Variants in PRDM13 observed in about 807,000 individuals in gnomAD.
PRDM13 encodes PR/SET domain 13, also known as PR domain zinc finger protein 13.
Under a neutral mutation model 36.4 loss-of-function variants are expected in PRDM13, and 15 were observed. The ratio of observed to expected loss-of-function variants is 0.41; its 90% CI spans 0.28 to 0.64. The LOEUF is 0.64. Among genes scored for constraint, PRDM13 ranks in the 30% least tolerant of loss-of-function variants. The pLI, the probability that PRDM13 is intolerant of heterozygous loss-of-function variation, is 0.29. For synonymous variants in PRDM13, 531 were observed against 467.7 expected (o/e 1.14, Z -1.75); for missense variants, 1,044 against 1,013.5 (o/e 1.03, Z -0.41).
Position 99,614,680 on chromosome 6 carries a change from A to G in PRDM13, c.2045A>G (p.Asp682Gly). 1 of 1,610,972 alleles carries G rather than the reference A, an allele frequency of 6.2e-7. No individual in the cohort carries two copies. The highest frequency in any genetic ancestry group is 8.5e-7 in the Non-Finnish European group (1 of 1,178,916). Residue 682 changes from aspartate (D) to glycine (G), a missense_variant, in exon 4 of 4, where the codon GAC (aspartate) becomes GGC (glycine). Physicochemically the swap from Asp to Gly is moderately conservative, Grantham distance 94 (BLOSUM62 -1). This residue lies in a region of PRDM13 where 115 missense variants were observed against 122.1 expected (regional missense o/e 0.94). Coordinates refer to ENST00000369215, the MANE Select transcript of PRDM13 (RefSeq NM_021620.4). ...YPPEPGDPKS[D>G]DSDVDVCFTD... ...CCGGAGCCTGGGGATCCCAAGAGCG[A>G]CGACAGTGACGTGGACGTCTGCTTC... is the stretch of plus-strand genomic sequence containing the variant.
intron 1 of PRDM13, among the ~76,000 whole-genome samples, chr6:99,607,607 G>C (rs918528041): frequency 6.6e-6 from 1 of 152,144 alleles, no homozygotes; most frequent in African/African-American, 2.4e-5. Context: ...TTAATTTGAG[G>C]CCTAATTTCG....
rs577753800 is a variant in PRDM13 at position 99,609,434 on chromosome 6, G to C, written c.397+127G>C. Reference sequence around the variant, plus strand: ...CATTCCCTGTATTTCAAGGCAAAGAGGAGAGAGGTCGCCACTACCTCCTTA... The same window carrying C: ...CATTCCCTGTATTTCAAGGCAAAGACGAGAGAGGTCGCCACTACCTCCTTA... On this transcript the variant is annotated intron_variant, in intron 3 of 3. Coordinates refer to ENST00000369215, the MANE Select transcript of PRDM13 (RefSeq NM_021620.4). 5.3e-6 allele frequency: 7 copies of C among 1,333,256 alleles called. No homozygotes were observed. In the African/African-American group the frequency reaches 8.8e-5, roughly 17 times the overall value. 82.6% of individuals were successfully genotyped at this position (1,333,256 alleles called of 1,614,324 possible). A position where few individuals can be genotyped will look rare whatever the true frequency, so the allele number is the denominator to read the frequency against.
intron 3 of PRDM13, among the ~76,000 whole-genome samples, chr6:99,610,257 T>C (rs1158528634): frequency 6.6e-6 from 1 of 152,242 alleles, no homozygotes; most frequent in Admixed American, 6.5e-5. Context: ...AAAACATTTT[T>C]AAACCTACCC....
chr6:99,611,086 A>G (rs1770024415), intron 3 of PRDM13, among the ~76,000 whole-genome samples: 1 of 152,188 alleles, frequency 6.6e-6, no homozygotes, highest in African/African-American at 2.4e-5. Flanking sequence ...TTTGGATCTC[A>G]GAGTCTGGAG....
Position 99,613,440 on chromosome 6 carries a change from G to C in PRDM13, c.805G>C (p.Gly269Arg). 1 of 1,547,178 alleles carries C rather than the reference G, an allele frequency of 6.5e-7. No homozygotes were observed. Among genetic ancestry groups the C allele is most frequent in the Non-Finnish European group, 8.7e-7 (1 of 1,155,034 alleles). The change falls in exon 4 of 4, where the codon GGG becomes CGG. Residue 269 changes from glycine to arginine, a missense_variant. By Grantham distance (125) the Gly-to-Arg change is moderately radical. Coordinates refer to ENST00000369215, the MANE Select transcript of PRDM13 (RefSeq NM_021620.4). The surrounding 1 kb of genome is among the most constrained non-coding windows in gnomAD (Gnocchi z 6.1). ...CATGAGCGGAGCCGCCCGAGGACAA[G>C]GGCACTTCCTCGGCATCGTGGGCGG... ...LDMSGAARGQ[G>R]HFLGIVGGSS...
chr6:99,611,680 G>C (rs575148867), intron 3 of PRDM13, among the ~76,000 whole-genome samples: 1 of 152,234 alleles, frequency 6.6e-6, no homozygotes, highest in Non-Finnish European at 1.5e-5. Flanking sequence ...TATACATAAA[G>C]GGAAGAAGAT....
chr6:99,607,782 G>A (rs1769970434), intron 1 of PRDM13, among the ~76,000 whole-genome samples: 1 of 152,200 alleles, frequency 6.6e-6, no homozygotes. Flanking sequence ...CTCCAAGGGC[G>A]AGGCGCGCCC....
Position 99,614,663 on chromosome 6 carries a change from T to G in PRDM13, c.2028T>G (p.Pro676=), listed in dbSNP as rs1770104179. The change falls in exon 4 of 4, where the codon CCT becomes CCG. Residue 676 remains proline (P), a synonymous_variant. Transcript: ENST00000369215. ...CCGAGCCCGGCTATCCCCCGGAGCC[T>G]GGGGATCCCAAGAGCGACGACAGTG... ...PGAEPGYPPE[P]GDPKSDDSDV... 1 of 1,612,126 alleles carries G rather than the reference T, an allele frequency of 6.2e-7. No individual in the cohort carries two copies. Among genetic ancestry groups the G allele is most frequent in the Non-Finnish European group, 8.5e-7 (1 of 1,179,662 alleles).
Position 99,613,549 on chromosome 6 carries a change from C to G in PRDM13, c.914C>G (p.Ala305Gly). 4 of 1,495,452 alleles carry G rather than the reference C, an allele frequency of 2.7e-6. No individual in the cohort carries two copies. The highest frequency in any genetic ancestry group is 3.5e-6 in the Non-Finnish European group (4 of 1,132,944). The allele number at this position is 1,495,452 out of a possible 1,614,324, so 92.6% of individuals were successfully genotyped here. The part of the protein sequence containing the change: ...FKPAGLARAA[A>G]AAHGDPYREE... ...CCCGCCGGCCTAGCGAGGGCGGCGGCGGCCGCTCACGGCGACCCCTACCGG... is the reference window on the plus strand; with the variant it reads ...CCCGCCGGCCTAGCGAGGGCGGCGGGGGCCGCTCACGGCGACCCCTACCGG... Residue 305 changes from alanine (A) to glycine (G), a missense_variant, in exon 4 of 4, where the codon GCG (alanine) becomes GGG (glycine). This residue lies in a region of PRDM13 where 921 missense variants were observed against 865.2 expected (regional missense o/e 1.06). Coordinates refer to ENST00000369215, the MANE Select transcript of PRDM13 (RefSeq NM_021620.4). This position sits in a 1 kb window ranked among gnomAD's most constrained non-coding sequence, Gnocchi z 6.1.
Position 99,613,472 on chromosome 6 carries a change from G to T in PRDM13, c.837G>T (p.Ser279=). The T allele has an allele frequency of 6.5e-7, 1 of 1,531,804 alleles. No individual in the cohort carries two copies. Among genetic ancestry groups the T allele is most frequent in the Non-Finnish European group, 8.7e-7 (1 of 1,147,808 alleles). The allele number at this position is 1,531,804 out of a possible 1,614,324, so 94.9% of individuals were successfully genotyped here. A position where few individuals can be genotyped will look rare whatever the true frequency, so the allele number is the denominator to read the frequency against. The part of the protein sequence containing the change: ...GHFLGIVGGS[S]AGVGSLAFYP... ...TCCTCGGCATCGTGGGCGGCTCCTCGGCGGGGGTCGGCAGCCTGGCTTTCT... is the reference window on the plus strand; with the variant it reads ...TCCTCGGCATCGTGGGCGGCTCCTCTGCGGGGGTCGGCAGCCTGGCTTTCT... Residue 279 remains serine, a synonymous_variant, in exon 4 of 4, where the codon TCG becomes TCT. Transcript: ENST00000369215. The surrounding 1 kb of genome is among the most constrained non-coding windows in gnomAD (Gnocchi z 6.1).
Position 99,613,407 on chromosome 6 carries a change from GC to G in PRDM13, c.775del (p.Leu259TrpfsTer3). The G allele has an allele frequency of 6.4e-7, 1 of 1,557,450 alleles. No individual in the cohort carries two copies. Among genetic ancestry groups the G allele is most frequent in the Non-Finnish European group, 8.6e-7 (1 of 1,159,202 alleles). ...PKKGKEQLDR[A>X]LDMSGAARGQ... ...GAAGGGCAAGGAGCAGCTGGACCGT[GC>G]CCTGGACATGAGCGGAGCCGCCCGA... On this transcript the variant is annotated frameshift_variant, in exon 4 of 4. Transcript: ENST00000369215. LOFTEE classifies it low-confidence loss of function (END_TRUNC). The surrounding 1 kb of genome is among the most constrained non-coding windows in gnomAD (Gnocchi z 6.1).
At position 99,607,112 on chromosome 6, in the gene PRDM13, G is replaced by C; in HGVS notation, c.78G>C (p.Pro26=). Reference sequence around the variant, plus strand: ...TCCCGGCCGGCTTGCGCCTCGGACCGGTGCCTGGTACCTTCAAGCTGGGCA... The same window carrying C: ...TCCCGGCCGGCTTGCGCCTCGGACCCGTGCCTGGTACCTTCAAGCTGGGCA... ...CCIPAGLRLG[P]VPGTFKLGKY... The change falls in exon 1 of 4, where the codon CCG becomes CCC. Residue 26 remains proline (P), a synonymous_variant. Coordinates refer to ENST00000369215, the MANE Select transcript of PRDM13 (RefSeq NM_021620.4). 1.2e-6 allele frequency: 2 copies of C among 1,613,794 alleles called. No homozygotes were observed. The highest frequency in any genetic ancestry group is 1.7e-6 in the Non-Finnish European group (2 of 1,180,008).
In PRDM13 at chr6:99,613,748, C is replaced by CCCGCCG. The variant is rs112674667; in HGVS notation, c.1128_1133dup (p.Pro377_Pro378dup). On this transcript the variant is annotated inframe_insertion, in exon 4 of 4. Coordinates refer to ENST00000369215, the MANE Select transcript of PRDM13 (RefSeq NM_021620.4). The surrounding 1 kb of genome is among the most constrained non-coding windows in gnomAD (Gnocchi z 6.1). ...ATCCCAAGTGCCTGCTCGCTGGGGA[C>CCCGCCG]CCGCCGCCGCCGCCGCCGCCTGGCC... 207 of 1,476,134 alleles carry CCCGCCG rather than the reference C, an allele frequency of 1.4e-4. No individual in the cohort carries two copies. Among genetic ancestry groups the CCCGCCG allele is most frequent in the East Asian group, 4.3e-4 (15 of 34,894 alleles). The allele number at this position is 1,476,134 out of a possible 1,614,324, so 91.4% of individuals were successfully genotyped here.
At chr6:99,609,488 G>A (rs1024825620) in intron 3 of PRDM13, among the ~76,000 whole-genome samples, 181 bp downstream of exon 3, 1 of 152,184 alleles carries the variant, frequency 6.6e-6, no homozygotes, top group Admixed American at 6.5e-5. Flanking sequence ...AACAGTGATA[G>A]TAGCAATCTG....
intron 1 of PRDM13, among the ~76,000 whole-genome samples, chr6:99,607,800 C>G (rs1769970699): frequency 6.6e-6 from 1 of 152,172 alleles, no homozygotes; most frequent in Non-Finnish European, 1.5e-5. Flanking sequence ...CCCATTCGCG[C>G]GGGGCACAGG....
chr6:99,608,101 C>T (rs1769978356), intron 1 of PRDM13, among the ~76,000 whole-genome samples: 1 of 152,216 alleles, frequency 6.6e-6, no homozygotes, highest in Admixed American at 6.5e-5. Context: ...GCCAGCGGGA[C>T]TTGCACCTCG....
In PRDM13 at chr6:99,614,436, C is replaced by T. The variant is rs368196704; in HGVS notation, c.1801C>T (p.Leu601Phe). 19 of 1,613,530 alleles carry T rather than the reference C, an allele frequency of 1.2e-5. No individual in the cohort carries two copies. Among genetic ancestry groups the T allele is most frequent in the East Asian group, 2.2e-5 (1 of 44,886 alleles). The change falls in exon 4 of 4, where the codon CTC becomes TTC. Residue 601 changes from leucine (L) to phenylalanine (F), a missense_variant. Physicochemically the swap from Leu to Phe is conservative, Grantham distance 22 (BLOSUM62 0). Coordinates refer to ENST00000369215, the MANE Select transcript of PRDM13 (RefSeq NM_021620.4). ...GCGGACGCACACGGGCTACAAGCCA[C>T]TCAAGTGCAAAGTCTGTCTGCGGCC... Reference protein sequence around the residue: ...HMRTHTGYKPLKCKVCLRPFG... With the variant: ...HMRTHTGYKPFKCKVCLRPFG...
intron 1 of PRDM13, among the ~76,000 whole-genome samples, chr6:99,608,479 C>G (rs772907228): frequency 2.0e-5 from 3 of 152,104 alleles, no homozygotes; most frequent in Non-Finnish European, 4.4e-5. Context: ...GGAGGATGCT[C>G]TCAACACCCC....
At chr6:99,610,631 A>C (rs1037624412) in intron 3 of PRDM13, among the ~76,000 whole-genome samples, 7 of 152,250 alleles carry the variant, frequency 4.6e-5, no homozygotes, top group Admixed American at 3.9e-4. Flanking sequence ...TTTTGTAGGT[A>C]TAGTATTCAA....
Sources: allele counts gnomAD v4.1 joint callset (sites outside exome capture counted in the v4.1 genomes callset), GRCh38; gene constraint gnomAD v4.1.1; regional missense constraint gnomAD v4.1.1; non-coding constraint Gnocchi (gnomAD v3.1); transcripts MANE v1.5; gene names NCBI Gene and HGNC (gene_info 2026-07-23, HGNC 2026-07-21).